CSMD2: variants seen among roughly 807,000 people sequenced by gnomAD.
CSMD2 encodes the protein CUB and Sushi multiple domains 2, also known as CUB and sushi domain-containing protein 2.
CSMD2 carries 130 observed loss-of-function variants against 398.5 expected under a neutral mutation model. That is an observed-to-expected ratio of 0.33 (90% CI 0.28 to 0.38). The LOEUF (loss-of-function observed/expected upper bound fraction) is 0.38, where lower values mean the gene tolerates loss of function less well. Ranked by LOEUF, CSMD2 falls within the 10% of genes least tolerant of loss-of-function variation. The probability of loss-of-function intolerance (pLI) is 1.00; values close to 1 mark genes in which losing one functional copy is unlikely to be tolerated. For missense variants in CSMD2, 3,829 were observed against 4,764.9 expected (o/e 0.80, Z 5.78); for synonymous variants, 1,828 against 1,908.5 (o/e 0.96, Z 1.10).
At chr1:33,697,153 T>G (rs148243725) in intron 24 of CSMD2, among the ~76,000 whole-genome samples, 18 of 152,288 alleles carry the variant, frequency 1.2e-4, no homozygotes, top group Non-Finnish European at 2.5e-4. Flanking sequence ...ACAGTGAATC[T>G]TTTCTGCAAA....
intron 44 of CSMD2, among the ~76,000 whole-genome samples, chr1:33,594,251 G>A (rs1018224197): frequency 7.2e-5 from 11 of 152,252 alleles, no homozygotes; most frequent in South Asian, 6.2e-4. Context: ...TTACAGCCCC[G>A]CTTGAGATAG....
chr1:33,816,209 T>C (rs780540194), intron 9 of CSMD2, among the ~76,000 whole-genome samples: 2 of 152,234 alleles, frequency 1.3e-5, no homozygotes, highest in Non-Finnish European at 2.9e-5. Flanking sequence ...TACATATATA[T>C]GAGTTTAGCC....
intron 2 of CSMD2, among the ~76,000 whole-genome samples, chr1:34,086,201 T>A (rs1315735079): frequency 6.6e-6 from 1 of 152,190 alleles, no homozygotes; most frequent in Non-Finnish European, 1.5e-5. Context: ...CCTGACTTTC[T>A]ATCTTTCAAA....
In CSMD2 at chr1:33,725,357, C is replaced by T. The variant is rs761300132; in HGVS notation, c.2687G>A (p.Arg896His). 3.4e-5 allele frequency: 55 copies of T among 1,613,636 alleles called. No homozygotes were observed. Among genetic ancestry groups the T allele is most frequent in the Non-Finnish European group, 4.2e-5 (49 of 1,179,762 alleles). Reference protein sequence around the residue: ...KSHSDIGFQLRYETITLQSDH... With the variant: ...KSHSDIGFQLHYETITLQSDH... Reference sequence around the variant, plus strand: ...AGCCCACTGAGACTCACTCTCATAGCGGAGCTGGAAGCCGATGTCCGAGTG... The same window carrying T: ...AGCCCACTGAGACTCACTCTCATAGTGGAGCTGGAAGCCGATGTCCGAGTG... Residue 896 changes from arginine to histidine, a missense_variant, in exon 17 of 71, where the codon CGC becomes CAC. Transcript: ENST00000373381.
intron 13 of CSMD2, among the ~76,000 whole-genome samples, chr1:33,745,131 G>C (rs1481408793): frequency 6.6e-6 from 1 of 152,160 alleles, no homozygotes; most frequent in South Asian, 2.1e-4. Context: ...TGATAAATAT[G>C]ACCCTGTAGA....
chr1:34,134,817 T>C (rs1469100035), intron 1 of CSMD2, among the ~76,000 whole-genome samples: 2 of 152,192 alleles, frequency 1.3e-5, no homozygotes, highest in East Asian at 3.8e-4. Context: ...CTGGGAAACA[T>C]GAAAAGATGC....
chr1:33,621,014 G>A (rs1301259347), intron 37 of CSMD2, among the ~76,000 whole-genome samples: 3 of 152,068 alleles, frequency 2.0e-5, no homozygotes, highest in Admixed American at 6.5e-5. Flanking sequence ...CCATGCTGTC[G>A]CAGATGGTCT....
chr1:33,841,088 G>C (rs1660802977), intron 6 of CSMD2, among the ~76,000 whole-genome samples: 2 of 152,218 alleles, frequency 1.3e-5, no homozygotes, highest in Admixed American at 1.3e-4. Context: ...AGGACTTCTA[G>C]AAGGCAAAGG....
chr1:34,004,826 TC>T (rs35972328), intron 3 of CSMD2, among the ~76,000 whole-genome samples: 10,184 of 152,164 alleles, frequency 0.067, 831 homozygotes, highest in East Asian at 0.37. Flanking sequence ...TTTCCAACTC[TC>T]TCCTACATGT....
intron 5 of CSMD2, chr1:33,873,455 A>C (rs1640617118): frequency 6.6e-6 from 1 of 152,170 alleles, no homozygotes; most frequent in Non-Finnish European, 1.5e-5. Context: ...AAAGTGATAG[A>C]ATGTCACTTC....
At chr1:33,599,931 T>G (rs1640099194) in intron 44 of CSMD2, 1 of 576,664 alleles carries the variant, frequency 1.7e-6, no homozygotes. Flanking sequence ...GAGCAGATAC[T>G]GTAGCAGATA....
intron 2 of CSMD2, among the ~76,000 whole-genome samples, chr1:34,043,786 G>A (rs1652155695): frequency 6.6e-6 from 1 of 152,204 alleles, no homozygotes; most frequent in Admixed American, 6.5e-5. Context: ...TATGGTTTAT[G>A]CTGAACACCT....
chr1:33,949,232 A>G (rs116414955), intron 3 of CSMD2, among the ~76,000 whole-genome samples: 1,890 of 152,340 alleles, frequency 0.012, 42 homozygotes, highest in African/African-American at 0.042. Context: ...GAAGTGCTCA[A>G]TAAGTTTAGG....
At chr1:34,103,597 C>T (rs1660237436) in intron 1 of CSMD2, among the ~76,000 whole-genome samples, 1 of 152,090 alleles carries the variant, frequency 6.6e-6, no homozygotes, top group African/African-American at 2.4e-5. Flanking sequence ...GTCCGACCCT[C>T]CTTGAGCTTT....
intron 48 of CSMD2, among the ~76,000 whole-genome samples, chr1:33,579,407 C>T (rs1245703734): frequency 2.0e-5 from 3 of 152,152 alleles, no homozygotes; most frequent in Non-Finnish European, 4.4e-5. Context: ...ACCCAGACCC[C>T]TCTCCGTGTG....
chr1:34,067,205 A>T (rs1655212486), intron 2 of CSMD2, among the ~76,000 whole-genome samples: 1 of 151,996 alleles, frequency 6.6e-6, no homozygotes, highest in African/African-American at 2.4e-5. Flanking sequence ...AGAAATATAT[A>T]TTTACTCCAG....
chr1:33,798,975 C>T (rs1269058692), intron 10 of CSMD2, among the ~76,000 whole-genome samples: 2 of 152,238 alleles, frequency 1.3e-5, no homozygotes, highest in African/African-American at 4.8e-5. Flanking sequence ...GAGATGTAGA[C>T]TGAGGCTGTT....
intron 13 of CSMD2, among the ~76,000 whole-genome samples, chr1:33,745,318 T>C (rs140238195): frequency 1.2e-3 from 182 of 152,322 alleles, no homozygotes; most frequent in African/African-American, 4.0e-3. Flanking sequence ...ATTTTTCTGA[T>C]TGCAAAAATG....
At chr1:34,078,221 G>A (rs2148325323) in intron 2 of CSMD2, among the ~76,000 whole-genome samples, 1 of 151,954 alleles carries the variant, frequency 6.6e-6, no homozygotes, top group South Asian at 2.1e-4. Flanking sequence ...TGGTGGTCTG[G>A]CCCCACTGTC....
Sources: allele counts gnomAD v4.1 joint callset (sites outside exome capture counted in the v4.1 genomes callset), GRCh38; gene constraint gnomAD v4.1.1; transcripts MANE v1.5; gene names NCBI Gene and HGNC (gene_info 2026-07-23, HGNC 2026-07-21).